Variants in COL10A1 observed in about 807,000 individuals in gnomAD.
COL10A1 encodes the protein collagen alpha-1(X) chain.
In COL10A1, 10 loss-of-function variants were observed where a neutral mutation model predicts 18.2. The ratio of observed to expected loss-of-function variants is 0.55; its 90% CI spans 0.34 to 0.93. The LOEUF (loss-of-function observed/expected upper bound fraction) is 0.93. Ranked by LOEUF, COL10A1 falls within the 40% of genes least tolerant of loss-of-function variation. The probability of loss-of-function intolerance (pLI) is 0.02; values close to 1 mark genes in which losing one functional copy is unlikely to be tolerated. For synonymous variants in COL10A1, 330 were observed against 316.6 expected (o/e 1.04, Z -0.45); for missense variants, 897 against 853.5 (o/e 1.05, Z -0.64).
chr6:116,150,293 T>A (rs749751858), intron 1 of COL10A1, among the ~76,000 whole-genome samples: 1 of 152,022 alleles, frequency 6.6e-6, no homozygotes, highest in Non-Finnish European at 1.5e-5. Flanking sequence ...ACTTTTTAAT[T>A]ATTATTTTTT....
the COL10A1 span, among the ~76,000 whole-genome samples, chr6:116,185,644 G>A: frequency 1.3e-5 from 2 of 152,092 alleles, no homozygotes; most frequent in Admixed American, 6.6e-5. Context: ...TCTAACTGCC[G>A]TTGCTTTAAA....
At chr6:116,131,495 C>A (rs9488845) in intron 1 of COL10A1, among the ~76,000 whole-genome samples, 74,779 of 151,936 alleles carry the variant, frequency 0.49, 19,102 homozygotes, top group African/African-American at 0.63. Flanking sequence ...ACCTGAACTG[C>A]AGCTTTATTA....
chr6:116,212,763 A>G, the COL10A1 span, among the ~76,000 whole-genome samples: 1 of 152,124 alleles, frequency 6.6e-6, no homozygotes, highest in African/African-American at 2.4e-5. Flanking sequence ...TATTTCAGCA[A>G]TTGATTATTA....
chr6:116,153,317 G>A (rs939869142), intron 1 of COL10A1, among the ~76,000 whole-genome samples: 1 of 141,418 alleles, frequency 7.1e-6, no homozygotes, highest in African/African-American at 2.8e-5. Context: ...TACACAGACT[G>A]CCCATAAACA....
the COL10A1 span, among the ~76,000 whole-genome samples, chr6:116,182,075 G>A: frequency 1.3e-5 from 2 of 151,934 alleles, no homozygotes; most frequent in African/African-American, 4.8e-5. Context: ...TTATGCCTTT[G>A]TGTCTTCATA....
At chr6:116,137,778 T>C (rs1025403235) in intron 1 of COL10A1, among the ~76,000 whole-genome samples, 8 of 152,262 alleles carry the variant, frequency 5.3e-5, no homozygotes, top group African/African-American at 1.9e-4. Flanking sequence ...GTTGTGAGAA[T>C]CTATTAGAAA....
At position 116,120,102 on chromosome 6, in the gene COL10A1, AAG is replaced by A; in HGVS notation, c.2012_2013del (p.Ser671PhefsTer40). 6.2e-7 allele frequency: 1 copy of A among 1,614,126 alleles called. No homozygotes were observed. The highest frequency in any genetic ancestry group is 8.5e-7 in the Non-Finnish European group (1 of 1,179,978). On this transcript the variant is annotated frameshift_variant, in exon 3 of 3. Coordinates refer to ENST00000651968, the MANE Select transcript of COL10A1 (RefSeq NM_000493.4). LOFTEE classifies it high-confidence loss of function. ...GLYSSEYVHS[S>X]FSGFLVAPM Reference sequence around the variant, plus strand: ...ATTGGAGCCACTAGGAATCCTGAGAAAGAGGAGTGGACATACTCAGAGGAGTA... The same window carrying A: ...ATTGGAGCCACTAGGAATCCTGAGAAAGGAGTGGACATACTCAGAGGAGTA...
the COL10A1 span, among the ~76,000 whole-genome samples, chr6:116,185,045 G>A: frequency 6.6e-6 from 1 of 151,872 alleles, no homozygotes; most frequent in Non-Finnish European, 1.5e-5. Flanking sequence ...TATTCTGGAG[G>A]TTTTGATAGG....
chr6:116,170,340 G>A, the COL10A1 span, among the ~76,000 whole-genome samples: 1 of 152,112 alleles, frequency 6.6e-6, no homozygotes, highest in Non-Finnish European at 1.5e-5. Context: ...GGTTCATAGA[G>A]TACAGACTTA....
At position 116,137,764 on chromosome 6, in the gene COL10A1, T is replaced by C. The variant is rs191173516; in HGVS notation, c.-15-12257A>G. Reference sequence around the variant, plus strand: ...TTTATATGGAAAACCAGTTATCTTTTAGAGTTGTGAGAATCTATTAGAAAA... The same window carrying C: ...TTTATATGGAAAACCAGTTATCTTTCAGAGTTGTGAGAATCTATTAGAAAA... On this transcript the variant is annotated intron_variant, in intron 1 of 1. Coordinates refer to the COL10A1 transcript ENST00000418500. 1.4e-4 allele frequency among the ~76,000 whole-genome samples: 21 copies of C among 152,302 alleles called. No homozygotes were observed. In the East Asian group the frequency reaches 2.3e-3, roughly 17 times the overall value.
chr6:116,200,902 C>T, the COL10A1 span, among the ~76,000 whole-genome samples: 3 of 151,992 alleles, frequency 2.0e-5, no homozygotes, highest in East Asian at 5.8e-4. Flanking sequence ...CCCACCCACT[C>T]AGAAATACAG....
chr6:116,163,144 AT>A (rs1486799669), upstream of COL10A1, among the ~76,000 whole-genome samples: 31 of 123,434 alleles, frequency 2.5e-4, no homozygotes, highest in African/African-American at 9.5e-4. Context: ...AAAAAAAAAT[AT>A]ATATATATAT....
At chr6:116,177,813 T>C in the COL10A1 span, among the ~76,000 whole-genome samples, 1 of 152,224 alleles carries the variant, frequency 6.6e-6, no homozygotes, top group African/African-American at 2.4e-5. Context: ...CCCATTTGTT[T>C]ATTTTCTGCT....
the COL10A1 span, among the ~76,000 whole-genome samples, chr6:116,205,617 GT>G: frequency 6.6e-6 from 1 of 151,840 alleles, no homozygotes; most frequent in Non-Finnish European, 1.5e-5. Flanking sequence ...AAAAAAGGCT[GT>G]TCAGATATTT....
intron 1 of COL10A1, among the ~76,000 whole-genome samples, chr6:116,143,749 A>G (rs1779822061): frequency 6.6e-6 from 1 of 152,190 alleles, no homozygotes; most frequent in African/African-American, 2.4e-5. Context: ...GGATAAGCCT[A>G]GGAAGTAAGT....
In COL10A1 at chr6:116,120,664, G is replaced by GC. The variant is rs781150080; in HGVS notation, c.1451dup (p.Leu485ProfsTer39). On this transcript the variant is annotated frameshift_variant, in exon 3 of 3. Transcript: ENST00000651968. LOFTEE classifies it low-confidence loss of function (END_TRUNC). Reference sequence around the variant, plus strand: ...CTGGTGGCCCGGTGGGTCCATTGAGGCCCTTAGTTGCTATGCCAGCTGGGC... The same window carrying GC: ...CTGGTGGCCCGGTGGGTCCATTGAGGCCCCTTAGTTGCTATGCCAGCTGGGC... 2 of 1,544,886 alleles carry GC rather than the reference G, an allele frequency of 1.3e-6. No individual in the cohort carries two copies. Among genetic ancestry groups the GC allele is most frequent in the East Asian group, 4.5e-5 (2 of 44,458 alleles).
the COL10A1 span, among the ~76,000 whole-genome samples, chr6:116,185,212 A>G: frequency 0.039 from 5,894 of 152,120 alleles, 156 homozygotes; most frequent in South Asian, 0.072. Context: ...TTTATCCACT[A>G]TGGTCTAAGA....
intron 1 of COL10A1, among the ~76,000 whole-genome samples, chr6:116,144,115 C>T (rs544233254): frequency 6.6e-6 from 1 of 152,192 alleles, no homozygotes; most frequent in African/African-American, 2.4e-5. Context: ...GGGTATTCTG[C>T]AGTCAGATAT....
upstream of COL10A1, among the ~76,000 whole-genome samples, chr6:116,161,195 G>C (rs1363697331): frequency 1.7e-5 from 2 of 115,560 alleles, no homozygotes; most frequent in African/African-American, 6.6e-5. Flanking sequence ...CTGTTGTGGG[G>C]TGGGGGGAGG....
Sources: gnomAD v4.1 joint callset for allele counts (sites outside exome capture counted in the v4.1 genomes callset) on GRCh38, gnomAD v4.1.1 for gene constraint, MANE v1.5 for transcripts, NCBI Gene and HGNC (gene_info 2026-07-23, HGNC 2026-07-21) for gene names.